Variants in DPY19L2 observed in about 807,000 individuals in gnomAD.
DPY19L2 encodes dpy-19 like 2, also known as probable C-mannosyltransferase DPY19L2.
A neutral mutation model predicts 97.9 loss-of-function variants in DPY19L2; 34 were observed. The ratio of observed to expected loss-of-function variants is 0.35; its 90% CI spans 0.26 to 0.46. DPY19L2 has a LOEUF of 0.46. Ranked by LOEUF, DPY19L2 falls within the 20% of genes least tolerant of loss-of-function variation. The pLI is 1.00. For synonymous variants in DPY19L2, 230 were observed against 307.9 expected, an observed-to-expected ratio of 0.75 and a Z score of 2.65; for missense variants, 623 against 911.4, an observed-to-expected ratio of 0.68 and a Z score of 4.07.
chr12:63,662,935 G>C (rs139943650), intron 3 of DPY19L2, among the ~76,000 whole-genome samples: 10,713 of 152,248 alleles, frequency 0.07, 414 homozygotes, highest in African/African-American at 0.095. Context: ...TTAGTGTTTA[G>C]TGGGTAGAGT....
chr12:63,635,586 C>A (rs1592674325), intron 6 of DPY19L2, among the ~76,000 whole-genome samples: 2 of 151,970 alleles, frequency 1.3e-5, no homozygotes, highest in African/African-American at 2.4e-5. Context: ...GTAGAGAAGA[C>A]CTTAAATGAC....
intron 21 of DPY19L2, among the ~76,000 whole-genome samples, chr12:63,565,955 C>T (rs1327737345): frequency 1.3e-5 from 2 of 152,110 alleles, no homozygotes; most frequent in Non-Finnish European, 2.9e-5. Context: ...TAGTAATATT[C>T]TTTGTCTTAA....
At chr12:63,626,325 A>T (rs1889530203) in intron 7 of DPY19L2, 144 bp downstream of exon 7, 4 of 1,082,732 alleles carry the variant, frequency 3.7e-6, no homozygotes, top group Non-Finnish European at 5.1e-6. Context: ...CAACATGCTT[A>T]AAATATCAAC....
rs182073881 is a variant in DPY19L2 at position 63,614,663 on chromosome 12, A to G, written c.1218+2641T>C. On this transcript the variant is annotated intron_variant, in intron 11 of 21. Transcript: ENST00000324472. ...TGGCTTCTTGAGACCCACAAGAAAC[A>G]AAAGCAAATACAGGATAGAAAGAGT... is the stretch of plus-strand genomic sequence containing the variant. 3.3e-5 allele frequency among the ~76,000 whole-genome samples: 5 copies of G among 152,230 alleles called. No homozygotes were observed. The South Asian group carries it at 8.3e-4, about 25-fold the overall frequency.
intron 6 of DPY19L2, among the ~76,000 whole-genome samples, chr12:63,640,156 A>G (rs1337463005): frequency 3.9e-5 from 6 of 152,116 alleles, no homozygotes; most frequent in Non-Finnish European, 7.4e-5. Context: ...AACAATGAGA[A>G]CACTTGGACG....
In DPY19L2 at chr12:63,560,444, G is replaced by T; in HGVS notation, c.*68C>A. 1 of 1,483,012 alleles carries T rather than the reference G, an allele frequency of 6.7e-7. No individual in the cohort carries two copies. The highest frequency in any genetic ancestry group is 9.0e-7 in the Non-Finnish European group (1 of 1,108,118). The allele number at this position is 1,483,012 out of a possible 1,614,324, so 91.9% of individuals were successfully genotyped here. A position where few individuals can be genotyped will look rare whatever the true frequency, so the allele number is the denominator to read the frequency against. ...TAAAGCTTGTGATTTTTATTAATGT[G>T]AATAAGCCAAAGGGTGATTGTTTTT... On this transcript the variant is annotated 3_prime_UTR_variant, in exon 22 of 22. Transcript: ENST00000324472.
At chr12:63,616,175 C>T (rs540124942) in intron 11 of DPY19L2, among the ~76,000 whole-genome samples, 1 of 151,836 alleles carries the variant, frequency 6.6e-6, no homozygotes, top group African/African-American at 2.4e-5. Context: ...CCTGCAGACA[C>T]GAAGGGGACA....
chr12:63,628,529 A>G (rs10878065), intron 6 of DPY19L2, among the ~76,000 whole-genome samples: 105,420 of 151,948 alleles, frequency 0.69, 37,145 homozygotes, highest in African/African-American at 0.8. Context: ...AGGGGCACCC[A>G]CCATGGCCAA....
chr12:63,562,505 G>C (rs899817962), intron 21 of DPY19L2, among the ~76,000 whole-genome samples: 4 of 151,008 alleles, frequency 2.6e-5, no homozygotes, highest in African/African-American at 7.4e-5. Context: ...CAATTACTGG[G>C]ATGGATATAT....
intron 5 of DPY19L2, among the ~76,000 whole-genome samples, chr12:63,644,878 A>G (rs1893192954): frequency 6.6e-6 from 1 of 152,126 alleles, no homozygotes; most frequent in African/African-American, 2.4e-5. Context: ...TGATGCTGCT[A>G]GTGTTCAGTG....
chr12:63,581,425 T>A (rs1880872138), intron 18 of DPY19L2, among the ~76,000 whole-genome samples: 1 of 151,632 alleles, frequency 6.6e-6, no homozygotes, highest in South Asian at 2.1e-4. Flanking sequence ...TTTCTCTGCA[T>A]CTACTCTGGT....
chr12:63,665,462 G>C (rs541082212), intron 2 of DPY19L2, among the ~76,000 whole-genome samples: 7 of 142,456 alleles, frequency 4.9e-5, no homozygotes, highest in African/African-American at 1.9e-4. Context: ...GACAGAGCAA[G>C]ACTCTGTCTC....
intron 6 of DPY19L2, among the ~76,000 whole-genome samples, chr12:63,639,728 T>C (rs1892373510): frequency 1.3e-5 from 2 of 152,174 alleles, no homozygotes; most frequent in Admixed American, 1.3e-4. Context: ...TGTGGAGAAA[T>C]AGGAACACTT....
At chr12:63,588,417 A>G (rs1370277508) in intron 16 of DPY19L2, among the ~76,000 whole-genome samples, 1 of 152,204 alleles carries the variant, frequency 6.6e-6, no homozygotes, top group African/African-American at 2.4e-5. Context: ...TAAAAGTTTC[A>G]GTTAAGCCAG....
At chr12:63,577,962 A>T (rs1381630350) in intron 19 of DPY19L2, among the ~76,000 whole-genome samples, 1 of 152,148 alleles carries the variant, frequency 6.6e-6, no homozygotes, top group African/African-American at 2.4e-5. Flanking sequence ...CAAAGAAAGG[A>T]AATAAATATT....
At chr12:63,577,943 T>C (rs1473980588) in intron 19 of DPY19L2, among the ~76,000 whole-genome samples, 1 of 152,096 alleles carries the variant, frequency 6.6e-6, no homozygotes, top group Non-Finnish European at 1.5e-5. Flanking sequence ...TACTCTTAGA[T>C]ATATACCCCA....
chr12:63,636,106 G>A (rs569518983), intron 6 of DPY19L2, among the ~76,000 whole-genome samples: 63 of 150,814 alleles, frequency 4.2e-4, no homozygotes, highest in Non-Finnish European at 8.0e-4. Flanking sequence ...AAGCCAGAAG[G>A]GGGGGCGGCC....
intron 6 of DPY19L2, among the ~76,000 whole-genome samples, chr12:63,626,939 C>T (rs574408915): frequency 5.2e-4 from 79 of 152,130 alleles, no homozygotes; most frequent in African/African-American, 1.6e-3. Flanking sequence ...CTGCCACACC[C>T]GGCTAATTTT....
intron 4 of DPY19L2, among the ~76,000 whole-genome samples, chr12:63,651,080 A>T (rs2138195497): frequency 6.6e-6 from 1 of 152,274 alleles, no homozygotes; most frequent in Admixed American, 6.5e-5. Flanking sequence ...AACAGAATAG[A>T]GAGCCCAGAA....
Sources: allele counts gnomAD v4.1 joint callset (sites outside exome capture counted in the v4.1 genomes callset), GRCh38; gene constraint gnomAD v4.1.1; transcripts MANE v1.5; gene names NCBI Gene and HGNC (gene_info 2026-07-23, HGNC 2026-07-21).